The following SLCO2B1 variants were observed in gnomAD, a reference collection of about 807,000 sequenced individuals.
SLCO2B1 encodes OATP-RP2.
Under a neutral mutation model 67.3 loss-of-function variants are expected in SLCO2B1, and 41 were observed. The observed-to-expected ratio is 0.61, with a 90% CI of 0.47 to 0.79. SLCO2B1 has a LOEUF of 0.79. Ranked by LOEUF, SLCO2B1 falls within the 30% of genes least tolerant of loss-of-function variation. SLCO2B1 has a pLI of 0.00. For synonymous variants in SLCO2B1, 379 were observed against 381.4 expected (o/e 0.99, Z 0.07); for missense variants, 837 against 920.1 (o/e 0.91, Z 1.17).
At chr11:75,164,983 G>T (rs144076282) in intron 3 of SLCO2B1, among the ~76,000 whole-genome samples, 4 of 152,228 alleles carry the variant, frequency 2.6e-5, no homozygotes, top group Non-Finnish European at 5.9e-5. Flanking sequence ...CACTCCCCCA[G>T]CGAGGAGTGT....
Position 75,169,418 on chromosome 11 carries a change from T to C in SLCO2B1, c.682+12T>C. On this transcript the variant is annotated intron_variant, in intron 5 of 13. Coordinates refer to ENST00000289575, the MANE Select transcript of SLCO2B1 (RefSeq NM_007256.5). ...GCCCCTCTACCTCGGTGAGGACCAG[T>C]GCCATCCCTTGGCCTCTGAGGGTCA... The C allele has an allele frequency of 6.4e-7, 1 of 1,568,600 alleles. No individual in the cohort carries two copies. Among genetic ancestry groups the C allele is most frequent in the Non-Finnish European group, 8.7e-7 (1 of 1,153,824 alleles).
In SLCO2B1 at chr11:75,192,603, C is replaced by T. The variant is rs574089124; in HGVS notation, c.1076-615C>T. On this transcript the variant is annotated intron_variant, in intron 8 of 13. Coordinates refer to ENST00000289575, the MANE Select transcript of SLCO2B1 (RefSeq NM_007256.5). ...ACGTAGAGTAGAAAAAATGAAATGA[C>T]ATGGGATGGGATGGACGAAATTGAA... Among the ~76,000 whole-genome samples, 12 of 152,120 alleles carry T rather than the reference C, an allele frequency of 7.9e-5. No homozygotes were observed. The South Asian group carries it at 2.1e-3, about 26-fold the overall frequency.
chr11:75,188,513 G>T (rs1184563918), intron 8 of SLCO2B1, among the ~76,000 whole-genome samples: 1 of 152,116 alleles, frequency 6.6e-6, no homozygotes, highest in Non-Finnish European at 1.5e-5. Context: ...ATCACTTGAG[G>T]TCAGAAGTTT....
At chr11:75,175,583 A>T (rs551349894) in intron 7 of SLCO2B1, among the ~76,000 whole-genome samples, 1 of 152,140 alleles carries the variant, frequency 6.6e-6, no homozygotes, top group Admixed American at 6.5e-5. Flanking sequence ...TACAAGAATT[A>T]TGTGCCCCCG....
intron 4 of SLCO2B1, among the ~76,000 whole-genome samples, chr11:75,166,634 C>T (rs922522468): frequency 1.3e-5 from 2 of 152,182 alleles, no homozygotes; most frequent in African/African-American, 4.8e-5. Flanking sequence ...ATCCATCCAC[C>T]TACTACTCAT....
At chr11:75,188,068 C>A in intron 7 of SLCO2B1, 68 bp from the exon 8 acceptor site, 1 of 1,111,668 alleles carries the variant, frequency 9.0e-7, no homozygotes, top group Non-Finnish European at 1.3e-6. Context: ...TCCTCCCCAG[C>A]CCACAGCCAA....
chr11:75,163,888 C>A, intron 2 of SLCO2B1, 75 bp from the exon 3 acceptor site: 1 of 1,499,802 alleles, frequency 6.7e-7, no homozygotes, highest in Non-Finnish European at 9.0e-7. Flanking sequence ...CTCCTTGCTG[C>A]TCCCTCTGCC....
rs115804035 is a variant in SLCO2B1, at chr11:75,190,557, T to C, written c.1075+2319T>C. Among the ~76,000 whole-genome samples the C allele has an allele frequency of 3.5e-3, 528 of 152,194 alleles. 4 individuals are homozygous for C. The highest frequency in any genetic ancestry group is 0.012 in the African/African-American group (489 of 41,514). ...TACAATCTCTCTGATGGAGGTTACG[T>C]AGTCCCTGAATGGAGCGAGACCCTG... is the stretch of plus-strand genomic sequence containing the variant. On this transcript the variant is annotated intron_variant, in intron 8 of 13. Transcript: ENST00000289575.
chr11:75,159,122 G>T (rs1034209181), intron 1 of SLCO2B1, among the ~76,000 whole-genome samples: 1 of 152,198 alleles, frequency 6.6e-6, no homozygotes, highest in South Asian at 2.1e-4. Context: ...GCTGACTGAC[G>T]GCCTGAACGG....
chr11:75,189,018 T>C (rs976886910), intron 8 of SLCO2B1, among the ~76,000 whole-genome samples: 7 of 152,226 alleles, frequency 4.6e-5, no homozygotes, highest in Admixed American at 1.3e-4. Context: ...TGGGCTAATA[T>C]CCAGAACCTG....
intron 1 of SLCO2B1, among the ~76,000 whole-genome samples, chr11:75,162,055 C>G (rs1949827489): frequency 6.6e-6 from 1 of 152,148 alleles, no homozygotes; most frequent in Non-Finnish European, 1.5e-5. Flanking sequence ...GCAACATGGT[C>G]TGATGGTGTG....
intron 7 of SLCO2B1, among the ~76,000 whole-genome samples, chr11:75,186,943 C>T (rs1007098604): frequency 4.6e-5 from 7 of 152,298 alleles, no homozygotes; most frequent in Non-Finnish European, 2.9e-5. Flanking sequence ...GGAGCCAAGC[C>T]GTCTGGATTC....
chr11:75,167,394 A>G (rs1178509144), intron 4 of SLCO2B1, among the ~76,000 whole-genome samples: 2 of 152,152 alleles, frequency 1.3e-5, no homozygotes, highest in African/African-American at 4.8e-5. Context: ...CTTCATCCTT[A>G]CTACCATACA....
In SLCO2B1 at chr11:75,162,775, A is replaced by G. The variant is rs765170000; in HGVS notation, c.137A>G (p.His46Arg). 6 of 1,613,764 alleles carry G rather than the reference A, an allele frequency of 3.7e-6. No homozygotes were observed. In the East Asian group the frequency reaches 8.9e-5, roughly 24 times the overall value. Residue 46 changes from histidine (H) to arginine (R), a missense_variant, in exon 2 of 14, where the codon CAT becomes CGT. Coordinates refer to ENST00000289575, the MANE Select transcript of SLCO2B1 (RefSeq NM_007256.5). ...DPQDVRPSVFHNIKLFVLCHS... is the reference protein window; with the variant it reads ...DPQDVRPSVFRNIKLFVLCHS... The stretch of plus-strand genomic sequence containing the variant: ...CAGGACGTGCGGCCAAGTGTGTTCC[A>G]TAACATCAAGGTACCTCTCAGGGCC...
In SLCO2B1 at chr11:75,188,237, AG is replaced by A. The variant is rs1565545606; in HGVS notation, c.1075+1del. 3 of 1,610,914 alleles carry A rather than the reference AG, an allele frequency of 1.9e-6. No individual in the cohort carries two copies. The highest frequency in any genetic ancestry group is 2.2e-5 in the East Asian group (1 of 44,872). On this transcript the variant is annotated frameshift_variant and splice_region_variant, in exon 8 of 14. Transcript: ENST00000289575. LOFTEE classifies it high-confidence loss of function. ...PNLTVIQFIK[V>X]FPRVLLQTLR... is the part of the protein sequence containing the mutation. ...ACCTGACTGTGATCCAGTTCATTAAAGGTAAGTCAGCTCAGACCAGGTTATG... is the reference window on the plus strand; with the variant it reads ...ACCTGACTGTGATCCAGTTCATTAAAGTAAGTCAGCTCAGACCAGGTTATG...
intron 7 of SLCO2B1, among the ~76,000 whole-genome samples, chr11:75,186,830 C>T (rs11600966): frequency 0.015 from 2,325 of 152,292 alleles, 27 homozygotes; most frequent in Middle Eastern, 0.031. Flanking sequence ...ATAGTACCTG[C>T]CTCACACAGT....
chr11:75,203,288 T>G lies in SLCO2B1; in HGVS notation c.1829-19T>G. On this transcript the variant is annotated intron_variant, in intron 12 of 13. Coordinates refer to ENST00000289575, the MANE Select transcript of SLCO2B1 (RefSeq NM_007256.5). ...AGGACGGTGGGCCTTCATTGTCCCC[T>G]GAGCACCACCTCCCTCAGCCTGGAT... The G allele has an allele frequency of 5.0e-6, 8 of 1,611,532 alleles. No individual in the cohort carries two copies. Among genetic ancestry groups the G allele is most frequent in the Non-Finnish European group, 6.8e-6 (8 of 1,179,802 alleles).
At chr11:75,157,135 G>A (rs1332203669) in intron 1 of SLCO2B1, 2 of 152,190 alleles carry the variant, frequency 1.3e-5, no homozygotes, top group Admixed American at 6.5e-5. Flanking sequence ...TCAATTCAAT[G>A]GTTTTGAATT....
At chr11:75,180,388 T>G (rs1283073006) in intron 7 of SLCO2B1, among the ~76,000 whole-genome samples, 3 of 152,174 alleles carry the variant, frequency 2.0e-5, no homozygotes, top group Admixed American at 2.0e-4. Flanking sequence ...TAGATCGAAG[T>G]TTCTATTTTT....
Sources: allele counts gnomAD v4.1 joint callset (sites outside exome capture counted in the v4.1 genomes callset), GRCh38; gene constraint gnomAD v4.1.1; transcripts MANE v1.5; gene names NCBI Gene and HGNC (gene_info 2026-07-23, HGNC 2026-07-21).